HCLS1: variants seen among roughly 807,000 people sequenced by gnomAD.
HCLS1 encodes the protein hematopoietic lineage cell-specific protein.
In HCLS1, 44 loss-of-function variants were observed where a neutral mutation model predicts 68.6. The observed-to-expected ratio is 0.64, with a 90% CI of 0.50 to 0.82. HCLS1 has a LOEUF of 0.82. Ranked by LOEUF, HCLS1 falls within the 40% of genes least tolerant of loss-of-function variation. The pLI is 0.00. For missense variants in HCLS1, 602 were observed against 612.1 expected (o/e 0.98, Z 0.17); for synonymous variants, 217 against 225.8 (o/e 0.96, Z 0.35).
Position 121,631,634 on chromosome 3 carries a change from T to G in HCLS1, c.*212A>C. On this transcript the variant is annotated 3_prime_UTR_variant, in exon 14 of 14. Transcript: ENST00000314583. ...GAAGGAGTCAGGAACACAAGAGAAA[T>G]GTTCATGAGCTCATCCAGGATAGAG... 3.7e-6 allele frequency: 2 copies of G among 544,558 alleles called. No homozygotes were observed. Among genetic ancestry groups the G allele is most frequent in the South Asian group, 2.4e-5 (1 of 41,294 alleles). The allele number at this position is 544,558 out of a possible 1,614,324, so 33.7% of individuals were successfully genotyped here.
intron 7 of HCLS1, 49 bp from the exon 8 acceptor site, chr3:121,636,538 G>T: frequency 1.4e-6 from 2 of 1,397,104 alleles, no homozygotes; most frequent in South Asian, 2.3e-5. Context: ...TGCTGGGAAT[G>T]GGTGGTGAGA....
rs879943041 is a variant in HCLS1, at chr3:121,637,935, C to CA, written c.455-680dup. 4.4e-3 allele frequency among the ~76,000 whole-genome samples: 507 copies of CA among 116,188 alleles called. 3 individuals are homozygous for CA. Among genetic ancestry groups the CA allele is most frequent in the Middle Eastern group, 8.9e-3 (2 of 224 alleles). The allele number at this position is 116,188 out of a possible 152,430, so 76.2% of individuals were successfully genotyped here. On this transcript the variant is annotated intron_variant, in intron 6 of 13. Transcript: ENST00000314583. Reference sequence around the variant, plus strand: ...TGGGTGACAGAGCGAGACTCCATCTCAAAAAAAAAAAAAGTGAAGCTCAGC... The same window carrying CA: ...TGGGTGACAGAGCGAGACTCCATCTCAAAAAAAAAAAAAAGTGAAGCTCAGC...
chr3:121,632,463 G>T lies in HCLS1; in HGVS notation c.1109C>A (p.Pro370His), dbSNP rs2049108119. 6.2e-7 allele frequency: 1 copy of T among 1,613,710 alleles called. No individual in the cohort carries two copies. The highest frequency in any genetic ancestry group is 1.3e-5 in the African/African-American group (1 of 74,870). The change falls in exon 12 of 14, where the codon CCT becomes CAT. Residue 370 changes from proline to histidine, a missense_variant. Physicochemically the swap from Pro to His is moderately conservative, Grantham distance 77. Transcript: ENST00000314583. ...ATAGTCATTCTCAGGCTCGGGCTCAGGCTCGGGCTCAGGCTCAGGCTCTGC... is the reference window on the plus strand; with the variant it reads ...ATAGTCATTCTCAGGCTCGGGCTCATGCTCGGGCTCAGGCTCAGGCTCTGC... ...YEAEPEPEPE[P>H]EPEPENDYED...
At chr3:121,659,069 G>T (rs1234005263) in intron 1 of HCLS1, among the ~76,000 whole-genome samples, 3 of 152,172 alleles carry the variant, frequency 2.0e-5, no homozygotes, top group Admixed American at 2.0e-4. Flanking sequence ...ATGTTTTCAA[G>T]TTGACAATTT....
At chr3:121,640,386 A>G (rs2049185770) in intron 6 of HCLS1, among the ~76,000 whole-genome samples, 3 of 152,206 alleles carry the variant, frequency 2.0e-5, no homozygotes, top group Admixed American at 2.0e-4. Context: ...CCTCTCCTTC[A>G]CTAAAATAAG....
Position 121,635,824 on chromosome 3 carries a change from A to T in HCLS1, c.622-20T>A. 6.2e-7 allele frequency: 1 copy of T among 1,611,556 alleles called. No individual in the cohort carries two copies. On this transcript the variant is annotated intron_variant, in intron 8 of 13. Coordinates refer to ENST00000314583, the MANE Select transcript of HCLS1 (RefSeq NM_005335.6). ...AGCGCTCTGCAGGCAGGAGAACAGC[A>T]TGTGTGTTGCGGGAGAGGGGCAAGG...
intron 3 of HCLS1, among the ~76,000 whole-genome samples, chr3:121,649,536 A>G (rs6804322): frequency 0.22 from 34,220 of 152,110 alleles, 4,031 homozygotes; most frequent in East Asian, 0.31. Flanking sequence ...CGCCTGGCCT[A>G]AACAGGTCTT....
chr3:121,646,861 C>T (rs1454444622), intron 4 of HCLS1, among the ~76,000 whole-genome samples: 1 of 140,964 alleles, frequency 7.1e-6, no homozygotes, highest in Non-Finnish European at 1.5e-5. Context: ...ATTATATATA[C>T]TTATATATAG....
chr3:121,644,264 A>T (rs2049225641), intron 5 of HCLS1: 1 of 214,950 alleles, frequency 4.7e-6, no homozygotes, highest in African/African-American at 2.3e-5. Flanking sequence ...CAACGATATG[A>T]TGCTGTAATC....
chr3:121,656,062 T>C (rs1055609034), intron 3 of HCLS1: 11 of 152,046 alleles, frequency 7.2e-5, no homozygotes, highest in Admixed American at 7.2e-4. Flanking sequence ...TTGCCCATGC[T>C]GGTCTTGAAC....
Position 121,644,918 on chromosome 3 carries a change from C to A in HCLS1, c.299G>T (p.Gly100Val), listed in dbSNP as rs774922667. ...CTCCACCTCGGCAACATACTCATGG[C>A]CCACTGCACTCTGAGAAAAATCAAG... The part of the protein sequence containing the change: ...ERDRMDKSAV[G>V]HEYVAEVEKH... The change falls in exon 5 of 14, where the codon GGC becomes GTC. Residue 100 changes from glycine (G) to valine (V), a missense_variant. Physicochemically the swap from Gly to Val is moderately radical, Grantham distance 109. Transcript: ENST00000314583. 1 of 1,612,720 alleles carries A rather than the reference C, an allele frequency of 6.2e-7. No individual in the cohort carries two copies. The highest frequency in any genetic ancestry group is 8.5e-7 in the Non-Finnish European group (1 of 1,178,764).
rs1283901034 is a variant in HCLS1, at chr3:121,632,474, A to AGGCTCAGGCTCG, written c.1097_1098insCGAGCCTGAGCC (p.Pro372_Glu375dup). The AGGCTCAGGCTCG allele has an allele frequency of 1.2e-6, 2 of 1,610,094 alleles. No individual in the cohort carries two copies. Among genetic ancestry groups the AGGCTCAGGCTCG allele is most frequent in the Non-Finnish European group, 1.7e-6 (2 of 1,179,244 alleles). ...CAGGCTCGGGCTCAGGCTCGGGCTC[A>AGGCTCAGGCTCG]GGCTCAGGCTCTGCTTCGTACACTG... On this transcript the variant is annotated inframe_insertion, in exon 12 of 14. Coordinates refer to ENST00000314583, the MANE Select transcript of HCLS1 (RefSeq NM_005335.6).
chr3:121,644,746 C>T, intron 5 of HCLS1, 72 bp downstream of exon 5: 1 of 1,014,358 alleles, frequency 9.9e-7, no homozygotes, highest in South Asian at 1.3e-5. Flanking sequence ...CATGTGCCTC[C>T]ATCCAGGGGT....
rs775154424 is a variant in HCLS1, at chr3:121,637,126, C to G, written c.565+20G>C. The G allele has an allele frequency of 2.0e-6, 3 of 1,525,858 alleles. No individual in the cohort carries two copies. Among genetic ancestry groups the G allele is most frequent in the Admixed American group, 1.7e-5 (1 of 59,886 alleles). The allele number at this position is 1,525,858 out of a possible 1,614,324, so 94.5% of individuals were successfully genotyped here. ...ATCCCTGTGCTATCTGTGACCTTCC[C>G]CCTTCCAACCCCAACTCACCTCTCT... On this transcript the variant is annotated intron_variant, in intron 7 of 13. Transcript: ENST00000314583.
chr3:121,653,262 T>A (rs949491337), intron 3 of HCLS1, among the ~76,000 whole-genome samples: 1 of 152,204 alleles, frequency 6.6e-6, no homozygotes, highest in Non-Finnish European at 1.5e-5. Context: ...GTGTGGAATT[T>A]TCTACTTGTG....
intron 6 of HCLS1, among the ~76,000 whole-genome samples, chr3:121,640,546 A>G (rs2049187329): frequency 6.6e-6 from 1 of 152,044 alleles, no homozygotes; most frequent in Admixed American, 6.6e-5. Context: ...AACAGCTTAA[A>G]GAAGTGGCAC....
rs370856378 is a variant in HCLS1 at position 121,635,796 on chromosome 3, G to T, written c.630C>A (p.Val210=). 6.2e-7 allele frequency: 1 copy of T among 1,613,836 alleles called. No individual in the cohort carries two copies. Among genetic ancestry groups the T allele is most frequent in the Non-Finnish European group, 8.5e-7 (1 of 1,179,942 alleles). The part of the protein sequence containing the change: ...IQKDRVDKSA[V]GFNEMEAPTT... ...TCGGGGCCTCCATTTCATTGAAGCC[G>T]ACAGCGCTCTGCAGGCAGGAGAACA... Residue 210 remains valine (V), a synonymous_variant, in exon 9 of 14, where the codon GTC becomes GTA. Coordinates refer to ENST00000314583, the MANE Select transcript of HCLS1 (RefSeq NM_005335.6).
intron 4 of HCLS1, among the ~76,000 whole-genome samples, chr3:121,646,688 AAATAT>A (rs57154480): frequency 0.097 from 11,922 of 122,900 alleles, 641 homozygotes; most frequent in South Asian, 0.16. Flanking sequence ...ATAATATATA[AAATAT>A]AATATACATT....
chr3:121,635,639 C>T, intron 9 of HCLS1, 96 bp downstream of exon 9: 1 of 951,086 alleles, frequency 1.1e-6, no homozygotes, highest in Non-Finnish European at 1.7e-6. Flanking sequence ...CTCAGCTAAT[C>T]TAGGTAGTTA....
Sources: gnomAD v4.1 joint callset for allele counts (sites outside exome capture counted in the v4.1 genomes callset) on GRCh38, gnomAD v4.1.1 for gene constraint, MANE v1.5 for transcripts, NCBI Gene and HGNC (gene_info 2026-07-23, HGNC 2026-07-21) for gene names.